The following KIF7 variants were observed in gnomAD, a reference collection of about 807,000 sequenced individuals.
The protein encoded by KIF7 is kinesin family member 7, also known as kinesin-like protein KIF7.
A neutral mutation model predicts 135.7 loss-of-function variants in KIF7; 104 were observed. The observed-to-expected ratio is 0.77, with a 90% CI of 0.65 to 0.90. The LOEUF is 0.90. Ranked by LOEUF, KIF7 falls within the 40% of genes least tolerant of loss-of-function variation. The pLI, the probability that KIF7 is intolerant of heterozygous loss-of-function variation, is 0.00. For synonymous variants in KIF7, 883 were observed against 809.4 expected (o/e 1.09, Z -1.54); for missense variants, 2,005 against 1,839.1 (o/e 1.09, Z -1.65).
intron 11 of KIF7, among the ~76,000 whole-genome samples, chr15:89,640,258 A>T (rs1963893690): frequency 1.3e-5 from 2 of 152,084 alleles, no homozygotes; most frequent in Non-Finnish European, 1.5e-5. Context: ...TAACCTGCAC[A>T]TTGTGCACAT....
downstream of KIF7, chr15:89,624,443 C>G (rs766954182): frequency 2.5e-6 from 4 of 1,614,202 alleles, no homozygotes; most frequent in Non-Finnish European, 3.4e-6. Flanking sequence ...CCTCCACCCC[C>G]TTCTAAAGTT....
intron 11 of KIF7, among the ~76,000 whole-genome samples, chr15:89,639,232 C>T (rs1410930291): frequency 9.2e-5 from 14 of 152,178 alleles, no homozygotes; most frequent in Non-Finnish European, 1.6e-4. Context: ...TAGGCATGGG[C>T]AAGGACTTCA....
rs1188430672 is a variant in KIF7, at chr15:89,631,478, A to G, written c.3111+17T>C. On this transcript the variant is annotated intron_variant, in intron 15 of 18. Transcript: ENST00000394412. ...TACAATGGCACCAAGGGGCTGAGCC[A>G]TGGGGCCGCAGGGTACCTCGGGGGA... 2.3e-5 allele frequency: 36 copies of G among 1,553,192 alleles called. No homozygotes were observed. Among genetic ancestry groups the G allele is most frequent in the Non-Finnish European group, 2.8e-5 (32 of 1,147,788 alleles).
the KIF7 span, among the ~76,000 whole-genome samples, chr15:89,661,327 A>C: frequency 2.5e-3 from 373 of 151,998 alleles, 1 homozygote; most frequent in African/African-American, 8.4e-3. Flanking sequence ...AATCACACTT[A>C]AATAAAGCTC....
At chr15:89,625,336 A>C, downstream of KIF7, 1 of 1,614,060 alleles carries the variant, frequency 6.2e-7, no homozygotes, top group Non-Finnish European at 8.5e-7. Context: ...GCACAGTGGG[A>C]AGACAACTCC....
intron 10 of KIF7, 66 bp from the exon 11 acceptor site, chr15:89,642,471 C>T (rs971568239): frequency 1.4e-6 from 2 of 1,447,694 alleles, no homozygotes; most frequent in Admixed American, 2.1e-5. Flanking sequence ...CTGTTTGTCC[C>T]CCTGGGAGGT....
chr15:89,653,391 C>T (rs1964155934), intron 1 of KIF7, among the ~76,000 whole-genome samples: 1 of 152,196 alleles, frequency 6.6e-6, no homozygotes, highest in African/African-American at 2.4e-5. Flanking sequence ...ACAGATCCTT[C>T]AAGACCAAGC....
chr15:89,646,289 G>A (rs960821787), intron 7 of KIF7, among the ~76,000 whole-genome samples: 11 of 152,004 alleles, frequency 7.2e-5, no homozygotes, highest in Non-Finnish European at 1.5e-4. Context: ...CAGGTCATGT[G>A]CACCCAAGTC....
intron 8 of KIF7, 58 bp from the exon 9 acceptor site, chr15:89,645,509 C>A (rs1963996387): frequency 4.4e-6 from 6 of 1,378,432 alleles, no homozygotes; most frequent in African/African-American, 2.9e-5. Context: ...AGCCTAGCCA[C>A]CCCCAGGCCT....
Position 89,629,482 on chromosome 15 carries a change from C to T in KIF7, c.3410G>A (p.Trp1137Ter). 1.2e-6 allele frequency: 2 copies of T among 1,611,390 alleles called. No individual in the cohort carries two copies. Among genetic ancestry groups the T allele is most frequent in the Non-Finnish European group, 1.7e-6 (2 of 1,179,986 alleles). The change falls in exon 17 of 19, where the codon TGG (tryptophan) becomes TAG (stop). Residue 1137 changes from tryptophan (W) to a stop codon, truncating the protein, a stop_gained. Coordinates refer to ENST00000394412, the MANE Select transcript of KIF7 (RefSeq NM_198525.3). LOFTEE classifies it high-confidence loss of function. The stretch of plus-strand genomic sequence containing the variant: ...CTGCCGCTCCAGGGCCACCTCCAGC[C>T]AGTACACCAGCCTCTGCTGCTCCTC... The part of the protein sequence containing the change: ...QLEEQQRLVY[W>*]LEVALERQRL...
In KIF7 at chr15:89,632,873, C is replaced by T. The variant is rs778564914; in HGVS notation, c.2842G>A (p.Ala948Thr). ...AGCCCCGTCTTCTCCTGCATCAGGG[C>T]CTCCTTCTTGGCCAGGATGGCCTCC... ...KREAILAKKE[A>T]LMQEKTGLES... The change falls in exon 14 of 19, where the codon GCC (alanine) becomes ACC (threonine). Residue 948 changes from alanine (A) to threonine (T), a missense_variant. Ala to Thr is a moderately conservative substitution (Grantham distance 58). Coordinates refer to ENST00000394412, the MANE Select transcript of KIF7 (RefSeq NM_198525.3). 5 of 1,610,248 alleles carry T rather than the reference C, an allele frequency of 3.1e-6. No individual in the cohort carries two copies. Among genetic ancestry groups the T allele is most frequent in the Non-Finnish European group, 4.2e-6 (5 of 1,179,922 alleles).
chr15:89,645,520 G>A, intron 8 of KIF7, 69 bp from the exon 9 acceptor site: 1 of 1,283,822 alleles, frequency 7.8e-7, no homozygotes, highest in Non-Finnish European at 1.1e-6. Context: ...CCCCAGGCCT[G>A]GAGGGAAGAA....
At chr15:89,625,312 A>G (rs1341198166), downstream of KIF7, 2 of 1,613,944 alleles carry the variant, frequency 1.2e-6, no homozygotes, top group Non-Finnish European at 1.7e-6. Context: ...GGTTCCTTGG[A>G]CACCATCCCC....
At chr15:89,622,057 G>A (rs1398767216) in intron 1 of KIF7, among the ~76,000 whole-genome samples, 1 of 135,212 alleles carries the variant, frequency 7.4e-6, no homozygotes, top group Admixed American at 8.6e-5. Flanking sequence ...CACGATCTCA[G>A]CTCACTGCAA....
At chr15:89,647,827 G>GGGTCT in intron 5 of KIF7, 115 bp from the exon 6 acceptor site, 3 of 862,486 alleles carry the variant, frequency 3.5e-6, no homozygotes, top group Non-Finnish European at 5.4e-6. Context: ...TACCTGCAGT[G>GGGTCT]GGAACTCCAG....
At chr15:89,621,257 AC>A (rs1963420955) in intron 1 of KIF7, 1 of 751,432 alleles carries the variant, frequency 1.3e-6, no homozygotes, top group Admixed American at 3.1e-5. Context: ...CTGACCTCAG[AC>A]CATCCACCTG....
At chr15:89,642,866 G>A (rs769630283) in intron 10 of KIF7, among the ~76,000 whole-genome samples, 6 of 152,218 alleles carry the variant, frequency 3.9e-5, no homozygotes, top group Non-Finnish European at 5.9e-5. Context: ...ACCGCGCCCA[G>A]CCTCAACTCA....
At chr15:89,628,830 C>T (rs767890596) in intron 18 of KIF7, 44 bp from the exon 19 acceptor site, 13 of 1,611,886 alleles carry the variant, frequency 8.1e-6, no homozygotes, top group Non-Finnish European at 7.6e-6. Flanking sequence ...CAGGTGGCAA[C>T]ACCTTCCCGA....
At chr15:89,631,844 G>T in intron 14 of KIF7, 134 bp from the exon 15 acceptor site, 1 of 766,738 alleles carries the variant, frequency 1.3e-6, no homozygotes, top group Non-Finnish European at 2.1e-6. Flanking sequence ...CTGCTCAGCA[G>T]GGAGACCAGA....
Sources: allele counts gnomAD v4.1 joint callset (sites outside exome capture counted in the v4.1 genomes callset), GRCh38; gene constraint gnomAD v4.1.1; transcripts MANE v1.5; gene names NCBI Gene and HGNC (gene_info 2026-07-23, HGNC 2026-07-21).